The following PTPRD variants were observed in gnomAD, a reference collection of about 807,000 sequenced individuals.
PTPRD encodes receptor-type tyrosine-protein phosphatase delta.
Under a neutral mutation model 214.5 loss-of-function variants are expected in PTPRD, and 34 were observed. The ratio of observed to expected loss-of-function variants is 0.16; its 90% CI spans 0.12 to 0.21. The LOEUF is 0.21. PTPRD is among the 10% of genes least tolerant of loss of function. The pLI is 1.00. For synonymous variants in PTPRD, 1,128 were observed against 845.7 expected (o/e 1.33, Z -5.79); for missense variants, 2,545 against 2,398.7 (o/e 1.06, Z -1.27).
chr9:9,747,322 T>C (rs2098467816), intron 6 of PTPRD, among the ~76,000 whole-genome samples: 1 of 152,010 alleles, frequency 6.6e-6, no homozygotes. Context: ...CAAGAAAACA[T>C]GTTGCACAGG....
chr9:9,371,516 A>C (rs1337991182), intron 9 of PTPRD, among the ~76,000 whole-genome samples: 1 of 152,042 alleles, frequency 6.6e-6, no homozygotes, highest in African/African-American at 2.4e-5. Flanking sequence ...CTTCTTTATT[A>C]GTCTTGCTAG....
chr9:10,091,803 G>C lies in PTPRD; in HGVS notation c.-544-58013C>G, dbSNP rs146617082. ...CTCATTTTTCTTAGAAGCAAGGCAGGCATCCAGTTTATTAAAAAATAGCAT... is the reference window on the plus strand; with the variant it reads ...CTCATTTTTCTTAGAAGCAAGGCAGCCATCCAGTTTATTAAAAAATAGCAT... On this transcript the variant is annotated intron_variant, in intron 3 of 45. Transcript: ENST00000381196. 2.2e-3 allele frequency among the ~76,000 whole-genome samples: 326 copies of C among 151,356 alleles called. 1 individual carries two copies. The highest frequency in any genetic ancestry group is 3.8e-3 in the Non-Finnish European group (254 of 67,562).
At position 9,726,506 on chromosome 9, in the gene PTPRD, G is replaced by A. The variant is rs576136272; in HGVS notation, c.-287+8027C>T. 9.9e-4 allele frequency among the ~76,000 whole-genome samples: 151 copies of A among 152,270 alleles called. 1 individual carries two copies. The highest frequency in any genetic ancestry group is 2.0e-3 in the Non-Finnish European group (134 of 68,014). On this transcript the variant is annotated intron_variant, in intron 7 of 45. Transcript: ENST00000381196. ...CCATTGTTCAGTGCTTTAGGAAGAT[G>A]CTATGTTATTCTTTAAGCATGATTT...
At position 9,956,002 on chromosome 9, in the gene PTPRD, T is replaced by A. The variant is rs545268101; in HGVS notation, c.-471-17392A>T. 8.5e-5 allele frequency among the ~76,000 whole-genome samples: 13 copies of A among 152,272 alleles called. No homozygotes were observed. In the South Asian group the frequency reaches 2.5e-3, roughly 29 times the overall value. ...ATCTAAAATCTTACACAATAATTAT[T>A]TGAGGCAGGCCACATTTATTTGCAA... is the stretch of plus-strand genomic sequence containing the variant. On this transcript the variant is annotated intron_variant, in intron 4 of 45. Coordinates refer to ENST00000381196, the MANE Select transcript of PTPRD (RefSeq NM_002839.4).
At chr9:9,529,272 CAAAA>C (rs763492022) in intron 8 of PTPRD, among the ~76,000 whole-genome samples, 1 of 96,262 alleles carries the variant, frequency 1.0e-5, no homozygotes, top group Non-Finnish European at 2.3e-5. Flanking sequence ...AAACTCCAAA[CAAAA>C]AAAAAAAATA....
intron 11 of PTPRD, 36 bp from the exon 12 acceptor site, chr9:8,733,982 A>C (rs2098689485): frequency 3.6e-6 from 3 of 835,936 alleles, no homozygotes; most frequent in Admixed American, 2.2e-5. Flanking sequence ...AAAAGGAAGA[A>C]AACACAAAAG....
intron 7 of PTPRD, among the ~76,000 whole-genome samples, chr9:9,603,361 C>T (rs143822175): frequency 2.0e-5 from 3 of 152,192 alleles, no homozygotes; most frequent in Non-Finnish European, 4.4e-5. Context: ...TGTTTAAGTA[C>T]CAGCTTTGAG....
At chr9:10,538,248 AAAT>A in intron 2 of PTPRD, among the ~76,000 whole-genome samples, 1 of 25,114 alleles carries the variant, frequency 4.0e-5, no homozygotes, top group African/African-American at 1.5e-4. Flanking sequence ...TAAAATAAAT[AAAT>A]AAATAAATAA....
At chr9:8,757,391 T>C (rs1363203541) in intron 11 of PTPRD, among the ~76,000 whole-genome samples, 1 of 152,020 alleles carries the variant, frequency 6.6e-6, no homozygotes, top group Non-Finnish European at 1.5e-5. Context: ...AGCATAAGAT[T>C]TAGATGTTGA....
chr9:10,156,529 T>A (rs1564189617), intron 3 of PTPRD, among the ~76,000 whole-genome samples: 1 of 152,204 alleles, frequency 6.6e-6, no homozygotes, highest in African/African-American at 2.4e-5. Context: ...TTATTTCGCA[T>A]TTGCTGATGA....
chr9:8,813,713 C>T (rs546577676), intron 11 of PTPRD, among the ~76,000 whole-genome samples: 1 of 152,268 alleles, frequency 6.6e-6, no homozygotes, highest in Non-Finnish European at 1.5e-5. Context: ...GCTCGCTTCT[C>T]TTAAAAAAGG....
intron 3 of PTPRD, among the ~76,000 whole-genome samples, chr9:10,144,791 G>GTTATAACAAAA (rs2099011061): frequency 6.6e-6 from 1 of 151,990 alleles, no homozygotes. Context: ...CTCTCTAATG[G>GTTATAACAAAA]ATTATAATGT....
In PTPRD at chr9:9,614,839, C is replaced by A. The variant is rs539054336; in HGVS notation, c.-286-40058G>T. ...TGTGGTGGGGTGATTTCTAGATTAT[C>A]TCTGCATTCGTTAGGCATATCTGCT... On this transcript the variant is annotated intron_variant, in intron 7 of 45. Coordinates refer to ENST00000381196, the MANE Select transcript of PTPRD (RefSeq NM_002839.4). 1.3e-4 allele frequency among the ~76,000 whole-genome samples: 20 copies of A among 152,278 alleles called. No individual in the cohort carries two copies. In the East Asian group the frequency reaches 3.3e-3, roughly 25 times the overall value.
chr9:8,484,071 A>G (rs754368414), intron 30 of PTPRD, 48 bp downstream of exon 30: 1 of 1,574,002 alleles, frequency 6.4e-7, no homozygotes. Context: ...TAATGTTCCT[A>G]TTTACCTATA....
At chr9:8,397,646 AG>A (rs2091506701) in intron 36 of PTPRD, among the ~76,000 whole-genome samples, 1 of 152,186 alleles carries the variant, frequency 6.6e-6, no homozygotes, top group African/African-American at 2.4e-5. Flanking sequence ...ACTCTGCAGA[AG>A]AGAGGCTAAG....
At chr9:9,560,770 C>G (rs146119810) in intron 8 of PTPRD, among the ~76,000 whole-genome samples, 220 of 151,958 alleles carry the variant, frequency 1.4e-3, no homozygotes, top group African/African-American at 4.9e-3. Context: ...AGCTCTCTTA[C>G]ACAGCTTAAA....
chr9:10,534,359 C>T (rs758417149), intron 2 of PTPRD, among the ~76,000 whole-genome samples: 3 of 151,554 alleles, frequency 2.0e-5, no homozygotes, highest in Non-Finnish European at 4.4e-5. Flanking sequence ...ATTACTTCAC[C>T]CATTATTAAC....
chr9:9,881,180 T>C (rs548834294), intron 5 of PTPRD, among the ~76,000 whole-genome samples: 1 of 152,188 alleles, frequency 6.6e-6, no homozygotes, highest in Non-Finnish European at 1.5e-5. Context: ...TAGTTTTTTT[T>C]AATTGGCTAA....
chr9:10,467,058 C>T (rs1357940262), intron 2 of PTPRD, among the ~76,000 whole-genome samples: 1 of 152,200 alleles, frequency 6.6e-6, no homozygotes, highest in East Asian at 1.9e-4. Context: ...ATCCAATCCA[C>T]TCTGACCTGT....
Sources: gnomAD v4.1 joint callset for allele counts (sites outside exome capture counted in the v4.1 genomes callset) on GRCh38, gnomAD v4.1.1 for gene constraint, MANE v1.5 for transcripts, NCBI Gene and HGNC (gene_info 2026-07-23, HGNC 2026-07-21) for gene names.